Variants in MCF2L2 observed in about 807,000 individuals in gnomAD.
MCF2L2 encodes probable guanine nucleotide exchange factor MCF2L2.
Under a neutral mutation model 150.2 loss-of-function variants are expected in MCF2L2, and 102 were observed. That is an observed-to-expected ratio of 0.68 (90% CI 0.58 to 0.80). The LOEUF is 0.80. Ranked by LOEUF, MCF2L2 falls within the 30% of genes least tolerant of loss-of-function variation. The probability of loss-of-function intolerance (pLI) is 0.00; values close to 1 mark genes in which losing one functional copy is unlikely to be tolerated. For missense variants in MCF2L2, 1,256 were observed against 1,372.8 expected, an observed-to-expected ratio of 0.91 and a Z score of 1.34; for synonymous variants, 465 against 491.3, an observed-to-expected ratio of 0.95 and a Z score of 0.71.
chr3:183,240,421 G>A (rs1346393625), intron 15 of MCF2L2, among the ~76,000 whole-genome samples: 1 of 152,200 alleles, frequency 6.6e-6, no homozygotes, highest in Non-Finnish European at 1.5e-5. Flanking sequence ...GTTTTACCAT[G>A]TTGGCCAGGC....
At chr3:183,200,764 A>G (rs546191483) in intron 25 of MCF2L2, among the ~76,000 whole-genome samples, 117 of 152,286 alleles carry the variant, frequency 7.7e-4, no homozygotes, top group Non-Finnish European at 1.3e-3. Context: ...TAGGTCTAAC[A>G]TTTAAGTCTT....
At chr3:183,292,556 T>TACACAC (rs58788215) in intron 13 of MCF2L2, among the ~76,000 whole-genome samples, 1,576 of 145,544 alleles carry the variant, frequency 0.011, 24 homozygotes, top group African/African-American at 0.036. Flanking sequence ...AGGGGGTATG[T>TACACAC]ACACACACAC....
chr3:183,379,186 T>C, intron 3 of MCF2L2, 111 bp downstream of exon 3: 1 of 700,612 alleles, frequency 1.4e-6, no homozygotes, highest in South Asian at 2.2e-5. Context: ...TTATTATGCA[T>C]ACCAGGGTAC....
At chr3:183,290,157 G>A (rs1022286192) in intron 13 of MCF2L2, among the ~76,000 whole-genome samples, 8 of 152,142 alleles carry the variant, frequency 5.3e-5, no homozygotes, top group African/African-American at 1.9e-4. Context: ...TCTTTCAAAT[G>A]CTCTCCCTCT....
chr3:183,188,349 G>C (rs1721768008), intron 27 of MCF2L2, among the ~76,000 whole-genome samples: 1 of 152,178 alleles, frequency 6.6e-6, no homozygotes, highest in African/African-American at 2.4e-5. Flanking sequence ...GGAGACATGG[G>C]GAGAAAACAA....
chr3:183,421,561 G>A (rs578191035), intron 1 of MCF2L2, among the ~76,000 whole-genome samples: 1 of 152,308 alleles, frequency 6.6e-6, no homozygotes, highest in South Asian at 2.1e-4. Context: ...TGGGATTGCA[G>A]GCATAAGCCA....
intron 2 of MCF2L2, among the ~76,000 whole-genome samples, chr3:183,383,210 A>ACATT (rs1713631663): frequency 8.2e-6 from 1 of 121,390 alleles, no homozygotes; most frequent in African/African-American, 4.0e-5. Flanking sequence ...AAGAATTTTT[A>ACATT]TATTTATTTA....
chr3:183,278,973 G>A (rs992128199), intron 14 of MCF2L2, among the ~76,000 whole-genome samples: 1 of 152,176 alleles, frequency 6.6e-6, no homozygotes, highest in African/African-American at 2.4e-5. Flanking sequence ...CCTCTGCCAA[G>A]CAAGTCTAAT....
At chr3:183,360,772 C>T (rs1204378255) in intron 3 of MCF2L2, among the ~76,000 whole-genome samples, 1 of 151,872 alleles carries the variant, frequency 6.6e-6, no homozygotes, top group Non-Finnish European at 1.5e-5. Flanking sequence ...GAGTTCTAGA[C>T]CAGCCTGGCC....
At chr3:183,365,360 A>T (rs1392940621) in intron 3 of MCF2L2, among the ~76,000 whole-genome samples, 1 of 152,208 alleles carries the variant, frequency 6.6e-6, no homozygotes, top group Non-Finnish European at 1.5e-5. Flanking sequence ...ACAGGAAAGA[A>T]CAGTTAGGAA....
At chr3:183,274,616 T>C (rs1285711625) in intron 15 of MCF2L2, among the ~76,000 whole-genome samples, 4 of 152,202 alleles carry the variant, frequency 2.6e-5, no homozygotes, top group African/African-American at 9.6e-5. Context: ...GTGTTTGTAG[T>C]TGGTACTAAA....
intron 1 of MCF2L2, among the ~76,000 whole-genome samples, chr3:183,401,498 C>T (rs1363529602): frequency 6.6e-6 from 1 of 152,094 alleles, no homozygotes; most frequent in African/African-American, 2.4e-5. Flanking sequence ...CTATACATTT[C>T]GGTGAGCTTT....
rs113905816 is a variant in MCF2L2, at chr3:183,179,405, G to A, written c.3320C>T (p.Pro1107Leu). 5.8e-6 allele frequency: 9 copies of A among 1,558,230 alleles called. No individual in the cohort carries two copies. The highest frequency in any genetic ancestry group is 2.3e-5 in the South Asian group (2 of 85,584). Residue 1107 changes from proline (P) to leucine (L), a missense_variant, in exon 30 of 30, where the codon CCG becomes CTG. By Grantham distance (98) the Pro-to-Leu change is moderately conservative (BLOSUM62 -3). Coordinates refer to ENST00000328913, the MANE Select transcript of MCF2L2 (RefSeq NM_015078.4). This position sits in a 1 kb window ranked among gnomAD's most constrained non-coding sequence, Gnocchi z 4.2. ...TAGFQARALR[P>L]RTSAQES ...TCAGCTCTCCTGGGCGGAGGTCCTC[G>A]GGCGCAGCGCCCTCGCCTGGAAACC...
At chr3:183,310,407 C>T (rs1729311485) in intron 9 of MCF2L2, 2 of 181,680 alleles carry the variant, frequency 1.1e-5, no homozygotes, top group South Asian at 1.7e-4. Flanking sequence ...GAGGCTGAGG[C>T]AGGAGAATCG....
In MCF2L2 at chr3:183,309,764, G is replaced by A. The variant is rs770778216; in HGVS notation, c.1065C>T (p.His355=). 3.5e-5 allele frequency: 57 copies of A among 1,613,608 alleles called. No homozygotes were observed. Among genetic ancestry groups the A allele is most frequent in the Non-Finnish European group, 4.4e-5 (52 of 1,179,956 alleles). ...TGTGTTCCTTAAGAATCTGCTCCAC[G>A]TGCATCACGCTGTCTCCAATGCCTG... ...EFTGIGDSVM[H]VEQILKEHKK... The change falls in exon 10 of 30, where the codon CAC becomes CAT. Residue 355 remains histidine (H), a synonymous_variant. Transcript: ENST00000328913.
intron 1 of MCF2L2, among the ~76,000 whole-genome samples, chr3:183,403,067 A>G (rs13083127): frequency 0.48 from 73,204 of 151,812 alleles, 18,959 homozygotes; most frequent in African/African-American, 0.69. Context: ...GATCACCTGA[A>G]GTTCGAGACC....
At chr3:183,269,847 A>G (rs1469174086) in intron 15 of MCF2L2, 1 of 1,613,310 alleles carries the variant, frequency 6.2e-7, no homozygotes. Flanking sequence ...GCAGTTAATT[A>G]TTCAGTTATT....
At chr3:183,245,824 T>C (rs973722690) in intron 15 of MCF2L2, among the ~76,000 whole-genome samples, 2 of 152,214 alleles carry the variant, frequency 1.3e-5, no homozygotes, top group Non-Finnish European at 2.9e-5. Context: ...AACACTTCCC[T>C]GGTTCCTAGG....
At chr3:183,405,248 A>G (rs1272052185) in intron 1 of MCF2L2, among the ~76,000 whole-genome samples, 1 of 152,222 alleles carries the variant, frequency 6.6e-6, no homozygotes, top group Non-Finnish European at 1.5e-5. Flanking sequence ...GGGATTATAG[A>G]CTTTCTTTCT....
Sources: gnomAD v4.1 joint callset for allele counts (sites outside exome capture counted in the v4.1 genomes callset) on GRCh38, gnomAD v4.1.1 for gene constraint, Gnocchi (gnomAD v3.1) non-coding constraint, MANE v1.5 for transcripts, NCBI Gene and HGNC (gene_info 2026-07-23, HGNC 2026-07-21) for gene names.